Variants in PDZRN3 observed in about 807,000 individuals in gnomAD.
PDZRN3 encodes E3 ubiquitin-protein ligase PDZRN3.
PDZRN3 carries 38 observed loss-of-function variants against 85.7 expected under a neutral mutation model. The observed-to-expected ratio is 0.44, with a 90% CI of 0.34 to 0.58. PDZRN3 has a LOEUF of 0.58. PDZRN3 is among the 20% of genes least tolerant of loss of function. PDZRN3 has a pLI of 0.01. For missense variants in PDZRN3, 1,629 were observed against 1,506.4 expected, an observed-to-expected ratio of 1.08 and a Z score of -1.35; for synonymous variants, 759 against 638.0, an observed-to-expected ratio of 1.19 and a Z score of -2.86.
intron 3 of PDZRN3, among the ~76,000 whole-genome samples, chr3:73,420,435 A>G (rs1359058861): frequency 6.6e-6 from 1 of 152,252 alleles, no homozygotes; most frequent in Non-Finnish European, 1.5e-5. Context: ...GGTGTCCAAT[A>G]AATACCCTAC....
chr3:73,510,679 C>T (rs980066738), intron 3 of PDZRN3, among the ~76,000 whole-genome samples: 3 of 152,174 alleles, frequency 2.0e-5, no homozygotes, highest in African/African-American at 7.2e-5. Context: ...TCATCTCCCC[C>T]TTATCCTCTA....
chr3:73,488,134 C>G (rs1465204683), intron 3 of PDZRN3, among the ~76,000 whole-genome samples: 1 of 152,138 alleles, frequency 6.6e-6, no homozygotes, highest in Non-Finnish European at 1.5e-5. Context: ...CTGATAGCTA[C>G]CAGATGAAAC....
intron 3 of PDZRN3, among the ~76,000 whole-genome samples, chr3:73,439,397 G>A (rs1702590442): frequency 6.6e-6 from 1 of 152,188 alleles, no homozygotes; most frequent in Non-Finnish European, 1.5e-5. Flanking sequence ...TAGGACAGTT[G>A]CTCCCACAAG....
At chr3:73,486,394 G>A (rs1287911081) in intron 3 of PDZRN3, among the ~76,000 whole-genome samples, 1 of 2,528 alleles carries the variant, frequency 4.0e-4, no homozygotes, top group Non-Finnish European at 1.4e-3. Flanking sequence ...AGCATGAGGT[G>A]GAAGGAAAAA....
intron 3 of PDZRN3, among the ~76,000 whole-genome samples, chr3:73,536,587 G>T (rs1704792116): frequency 6.6e-6 from 1 of 152,182 alleles, no homozygotes; most frequent in African/African-American, 2.4e-5. Context: ...TTCTAATCTG[G>T]AGCATTGAGA....
At chr3:73,563,195 G>T (rs1447990454) in intron 3 of PDZRN3, among the ~76,000 whole-genome samples, 68 of 149,018 alleles carry the variant, frequency 4.6e-4, no homozygotes, top group African/African-American at 1.6e-3. Flanking sequence ...TTTTTTTTTT[G>T]TTGTTGTTGT....
intron 3 of PDZRN3, among the ~76,000 whole-genome samples, chr3:73,459,928 T>C (rs1253533689): frequency 2.0e-5 from 3 of 152,208 alleles, no homozygotes; most frequent in Non-Finnish European, 2.9e-5. Context: ...CCTGTGGAAG[T>C]CCATGCATGC....
At chr3:73,486,366 A>T (rs933537307) in intron 3 of PDZRN3, among the ~76,000 whole-genome samples, 24 of 150,174 alleles carry the variant, frequency 1.6e-4, no homozygotes, top group African/African-American at 5.2e-4. Flanking sequence ...CTGGCAGGGC[A>T]CTCATAGAAT....
At position 73,383,182 on chromosome 3, in the gene PDZRN3, G is replaced by GT; in HGVS notation, c.*182dup. On this transcript the variant is annotated 3_prime_UTR_variant, in exon 10 of 10. Coordinates refer to ENST00000263666, the MANE Select transcript of PDZRN3 (RefSeq NM_015009.3). ...TATTGCCTTCCAAGATAGTAAGGGT[G>GT]TTTTTCTCTCTCTTCCCTTAAAATA... The GT allele has an allele frequency of 1.8e-6, 1 of 546,208 alleles. No individual in the cohort carries two copies. The highest frequency in any genetic ancestry group is 3.2e-6 in the Non-Finnish European group (1 of 316,400). 33.8% of individuals were successfully genotyped at this position (546,208 alleles called of 1,614,324 possible).
intron 3 of PDZRN3, among the ~76,000 whole-genome samples, chr3:73,538,578 C>A (rs1704844488): frequency 6.6e-6 from 1 of 152,172 alleles, no homozygotes; most frequent in South Asian, 2.1e-4. Flanking sequence ...TTATGTCGAG[C>A]TCTTTCTTTT....
chr3:73,414,553 G>A (rs1177006122), intron 3 of PDZRN3, among the ~76,000 whole-genome samples: 1 of 152,162 alleles, frequency 6.6e-6, no homozygotes, highest in African/African-American at 2.4e-5. Flanking sequence ...AGACCATGTG[G>A]AAAAACTTTC....
intron 3 of PDZRN3, among the ~76,000 whole-genome samples, chr3:73,481,217 G>A (rs1703554527): frequency 6.6e-6 from 1 of 152,154 alleles, no homozygotes; most frequent in Non-Finnish European, 1.5e-5. Context: ...ACAGCAGAGG[G>A]TAAATGGGTC....
At chr3:73,511,092 G>A (rs1704155312) in intron 3 of PDZRN3, among the ~76,000 whole-genome samples, 1 of 152,030 alleles carries the variant, frequency 6.6e-6, no homozygotes, top group African/African-American at 2.4e-5. Flanking sequence ...AGGCAGAGGC[G>A]GCAAAATGTT....
intron 3 of PDZRN3, among the ~76,000 whole-genome samples, chr3:73,516,327 A>G (rs1704255250): frequency 6.6e-6 from 1 of 152,228 alleles, no homozygotes; most frequent in South Asian, 2.1e-4. Context: ...GCACCAATGT[A>G]AACTCTCACC....
At position 73,383,913 on chromosome 3, in the gene PDZRN3, G is replaced by C. The variant is rs749249607; in HGVS notation, c.2653C>G (p.Gln885Glu). 3 of 1,611,856 alleles carry C rather than the reference G, an allele frequency of 1.9e-6. No individual in the cohort carries two copies. The highest frequency in any genetic ancestry group is 2.5e-6 in the Non-Finnish European group (3 of 1,179,280). Reference protein sequence around the residue: ...AHAQHYQSYMQLIQQKSAVEY... With the variant: ...AHAQHYQSYMELIQQKSAVEY... ...ACGGCCGACTTCTGCTGGATCAGCT[G>C]CATGTAGCTCTGGTAGTGCTGGGCG... Residue 885 changes from glutamine to glutamate, a missense_variant, in exon 10 of 10, where the codon CAG becomes GAG. Coordinates refer to ENST00000263666, the MANE Select transcript of PDZRN3 (RefSeq NM_015009.3).
At chr3:73,590,472 A>G (rs988260901) in intron 3 of PDZRN3, among the ~76,000 whole-genome samples, 12 of 152,302 alleles carry the variant, frequency 7.9e-5, no homozygotes, top group African/African-American at 2.6e-4. Context: ...ACTGGTTCAC[A>G]TACCAGAGGG....
In PDZRN3 at chr3:73,474,832, C is replaced by T. The variant is rs555053623; in HGVS notation, c.919-70437G>A. Among the ~76,000 whole-genome samples the T allele has an allele frequency of 2.0e-5, 3 of 152,174 alleles. No homozygotes were observed. The South Asian group carries it at 6.2e-4, about 32-fold the overall frequency. On this transcript the variant is annotated intron_variant, in intron 3 of 9. Transcript: ENST00000263666. ...AAGGGGTGGATGGTGAGGTTCATGA[C>T]CCTGCAGCCTCATAACACAGTCCTT... is the stretch of plus-strand genomic sequence containing the variant.
At chr3:73,488,354 C>T (rs1703705023) in intron 3 of PDZRN3, among the ~76,000 whole-genome samples, 1 of 152,206 alleles carries the variant, frequency 6.6e-6, no homozygotes, top group East Asian at 1.9e-4. Context: ...TTCCTACTAT[C>T]TCCCATGGTA....
rs1201554943 is a variant in PDZRN3, at chr3:73,385,665, T to A, written c.1635+4A>T. ...AGTGTCAGGGACTGGTGCGTGGGCG[T>A]TACCTGCTGCAGCACGCTAGCTGTG... On this transcript the variant is annotated splice_donor_region_variant and intron_variant, in intron 9 of 9. Transcript: ENST00000263666. 19 of 1,579,496 alleles carry A rather than the reference T, an allele frequency of 1.2e-5. No homozygotes were observed. In the Admixed American group the frequency reaches 3.2e-4, roughly 26 times the overall value.
Sources: gnomAD v4.1 joint callset for allele counts (sites outside exome capture counted in the v4.1 genomes callset) on GRCh38, gnomAD v4.1.1 for gene constraint, MANE v1.5 for transcripts, NCBI Gene and HGNC (gene_info 2026-07-23, HGNC 2026-07-21) for gene names.